The following WSCD2 variants were observed in gnomAD, a reference collection of about 807,000 sequenced individuals.
WSCD2 encodes sialate:O-sulfotransferase 2.
A neutral mutation model predicts 55.7 loss-of-function variants in WSCD2; 28 were observed. That is an observed-to-expected ratio of 0.50 (90% CI 0.37 to 0.69). The LOEUF (loss-of-function observed/expected upper bound fraction) is 0.69, where lower values mean the gene tolerates loss of function less well. WSCD2 is among the 30% of genes least tolerant of loss of function. The pLI is 0.00. For missense variants in WSCD2, 616 were observed against 762.1 expected, an observed-to-expected ratio of 0.81 and a Z score of 2.26; for synonymous variants, 301 against 301.9, an observed-to-expected ratio of 1.00 and a Z score of 0.03.
At chr12:108,233,326 C>G (rs571921168) in intron 7 of WSCD2, among the ~76,000 whole-genome samples, 2 of 152,346 alleles carry the variant, frequency 1.3e-5, no homozygotes, top group East Asian at 3.9e-4. Flanking sequence ...CAGGTGTCCT[C>G]TCCACATTTA....
At chr12:108,166,503 A>T (rs1879608068) in intron 1 of WSCD2, among the ~76,000 whole-genome samples, 2 of 152,162 alleles carry the variant, frequency 1.3e-5, no homozygotes, top group South Asian at 4.1e-4. Flanking sequence ...CCAAGGTTAA[A>T]TGGAGAAAGT....
chr12:108,203,743 C>T (rs962088541), intron 2 of WSCD2, among the ~76,000 whole-genome samples: 2 of 152,208 alleles, frequency 1.3e-5, no homozygotes, highest in African/African-American at 2.4e-5. Context: ...GCCGAATGTG[C>T]CTATCCTTAC....
chr12:108,154,100 CT>C (rs928463337), intron 1 of WSCD2, among the ~76,000 whole-genome samples: 40 of 152,196 alleles, frequency 2.6e-4, no homozygotes, highest in African/African-American at 8.9e-4. Flanking sequence ...TCAGGGCCCC[CT>C]GAGTGTCCTC....
At chr12:108,183,370 G>T (rs1385151849) in intron 1 of WSCD2, among the ~76,000 whole-genome samples, 1 of 152,168 alleles carries the variant, frequency 6.6e-6, no homozygotes, top group Non-Finnish European at 1.5e-5. Flanking sequence ...TGGCCTGATA[G>T]GGCTGGTTAA....
intron 1 of WSCD2, among the ~76,000 whole-genome samples, chr12:108,143,278 C>T (rs1877040659): frequency 6.6e-6 from 1 of 152,214 alleles, no homozygotes; most frequent in African/African-American, 2.4e-5. Context: ...GACCTACAGC[C>T]TCCTGGCACC....
intron 1 of WSCD2, among the ~76,000 whole-genome samples, chr12:108,155,313 A>G (rs1275851490): frequency 6.6e-6 from 1 of 152,202 alleles, no homozygotes; most frequent in African/African-American, 2.4e-5. Flanking sequence ...CCCTAGGACC[A>G]GAATTACTGT....
intron 4 of WSCD2, among the ~76,000 whole-genome samples, chr12:108,221,563 AC>A (rs1483224794): frequency 6.6e-6 from 1 of 152,056 alleles, no homozygotes; most frequent in Non-Finnish European, 1.5e-5. Flanking sequence ...CCTCTCAGCA[AC>A]CCAGGCCACA....
chr12:108,173,810 C>CTCTCTCTGTGTGTGTG (rs376999073), intron 1 of WSCD2, among the ~76,000 whole-genome samples: 50 of 131,234 alleles, frequency 3.8e-4, no homozygotes, highest in African/African-American at 1.3e-3. Context: ...TCCTGGCTCT[C>CTCTCTCTGTGTGTGTG]TGTGTGTGTG....
At chr12:108,196,537 C>G (rs956659953) in intron 2 of WSCD2, 1 of 264,456 alleles carries the variant, frequency 3.8e-6, no homozygotes, top group Admixed American at 4.9e-5. Context: ...ATAAAACAGT[C>G]AGCATTTATT....
intron 4 of WSCD2, among the ~76,000 whole-genome samples, chr12:108,214,666 G>T (rs1406833995): frequency 6.6e-6 from 1 of 152,186 alleles, no homozygotes. Flanking sequence ...CGGGGCTCCT[G>T]AGTCCCAAGG....
At chr12:108,166,787 T>TTCTG (rs1437962115) in intron 1 of WSCD2, among the ~76,000 whole-genome samples, 1 of 146,140 alleles carries the variant, frequency 6.8e-6, no homozygotes, top group Admixed American at 6.8e-5. Context: ...CTTTCTTTCT[T>TTCTG]TCTGTCTTTC....
chr12:108,247,864 T>C, intron 8 of WSCD2, 127 bp from the exon 9 acceptor site: 1 of 1,098,022 alleles, frequency 9.1e-7, no homozygotes, highest in Non-Finnish European at 1.3e-6. Flanking sequence ...GCCTGTATTA[T>C]TACAGTTAAT....
intron 4 of WSCD2, among the ~76,000 whole-genome samples, chr12:108,219,318 G>T (rs979516995): frequency 1.3e-5 from 2 of 152,172 alleles, no homozygotes; most frequent in Non-Finnish European, 2.9e-5. Flanking sequence ...GATGAGCACG[G>T]TCCACAGGAT....
At position 108,146,569 on chromosome 12, in the gene WSCD2, C is replaced by CAG. The variant is rs535908835; in HGVS notation, c.-552+16644_-552+16645dup. 6.6e-5 allele frequency among the ~76,000 whole-genome samples: 10 copies of CAG among 152,324 alleles called. No individual in the cohort carries two copies. The South Asian group carries it at 1.9e-3, about 28-fold the overall frequency. ...AAGCATTTTCAGATACCTACTTTTG[C>CAG]AGGCCAGGGAGATAAACTGTCCCAG... On this transcript the variant is annotated intron_variant, in intron 1 of 8. Transcript: ENST00000547525.
At chr12:108,209,954 C>G in intron 3 of WSCD2, among the ~76,000 whole-genome samples, 167 bp from the exon 4 acceptor site, 1 of 152,120 alleles carries the variant, frequency 6.6e-6, no homozygotes, top group East Asian at 1.9e-4. Flanking sequence ...TCTCTCCTGT[C>G]CCCTGGGGTC....
chr12:108,243,393 A>G (rs1283775489), intron 8 of WSCD2, among the ~76,000 whole-genome samples: 3 of 152,034 alleles, frequency 2.0e-5, no homozygotes, highest in Non-Finnish European at 4.4e-5. Context: ...GCCCAGCACC[A>G]CACCTGGCTA....
chr12:108,190,215 C>T (rs1050887940), intron 1 of WSCD2, among the ~76,000 whole-genome samples: 4 of 152,204 alleles, frequency 2.6e-5, no homozygotes, highest in African/African-American at 7.2e-5. Context: ...ACACCAGTGA[C>T]TTCTGATATT....
intron 8 of WSCD2, among the ~76,000 whole-genome samples, chr12:108,245,206 T>A (rs1889999881): frequency 6.6e-6 from 1 of 151,314 alleles, no homozygotes. Context: ...GAACTCTGCC[T>A]TCAATGCCCG....
chr12:108,171,132 G>T (rs1404376825), intron 1 of WSCD2, among the ~76,000 whole-genome samples: 1 of 152,232 alleles, frequency 6.6e-6, no homozygotes, highest in Non-Finnish European at 1.5e-5. Flanking sequence ...CAGGAAGGCT[G>T]GTGGTGCTTC....
Sources: allele counts gnomAD v4.1 joint callset (sites outside exome capture counted in the v4.1 genomes callset), GRCh38; gene constraint gnomAD v4.1.1; transcripts MANE v1.5; gene names NCBI Gene and HGNC (gene_info 2026-07-23, HGNC 2026-07-21).